The following DAP variants were observed in gnomAD, a reference collection of about 807,000 sequenced individuals.
DAP encodes the protein death-associated protein 1.
Under a neutral mutation model 13.8 loss-of-function variants are expected in DAP, and 8 were observed. The ratio of observed to expected loss-of-function variants is 0.58; its 90% CI spans 0.34 to 1.05. DAP has a LOEUF of 1.05. DAP is among the 50% of genes least tolerant of loss of function. DAP has a pLI of 0.03. For synonymous variants in DAP, 47 were observed against 47.5 expected, an observed-to-expected ratio of 0.99 and a Z score of 0.04; for missense variants, 106 against 133.2, an observed-to-expected ratio of 0.80 and a Z score of 1.01.
intron 2 of DAP, among the ~76,000 whole-genome samples, chr5:10,701,672 T>G (rs530174906): frequency 1.7e-4 from 26 of 152,192 alleles, no homozygotes; most frequent in Non-Finnish European, 3.5e-4. Flanking sequence ...AGAGGGAGAA[T>G]GAACTTCATT....
intron 2 of DAP, among the ~76,000 whole-genome samples, chr5:10,690,907 C>T (rs1738292043): frequency 6.6e-6 from 1 of 152,226 alleles, no homozygotes; most frequent in Non-Finnish European, 1.5e-5. Context: ...CAGCAACGCA[C>T]ATGGGTTCCT....
intron 2 of DAP, among the ~76,000 whole-genome samples, chr5:10,685,745 G>A (rs373776791): frequency 1.4e-4 from 21 of 152,182 alleles, no homozygotes; most frequent in African/African-American, 5.1e-4. Context: ...TCTGAAAGGC[G>A]GAAATGCAGG....
At chr5:10,755,739 A>G (rs1052393671) in intron 1 of DAP, among the ~76,000 whole-genome samples, 5 of 152,244 alleles carry the variant, frequency 3.3e-5, no homozygotes, top group African/African-American at 1.2e-4. Flanking sequence ...AAACAAAAAA[A>G]ACTTCTGAAG....
intron 2 of DAP, among the ~76,000 whole-genome samples, chr5:10,694,040 G>A (rs1482265854): frequency 6.6e-6 from 1 of 152,134 alleles, no homozygotes; most frequent in Non-Finnish European, 1.5e-5. Context: ...AGCCCGGGAG[G>A]AAGCGCAAGG....
At chr5:10,729,417 A>G (rs958122024) in intron 2 of DAP, among the ~76,000 whole-genome samples, 6 of 152,252 alleles carry the variant, frequency 3.9e-5, no homozygotes, top group African/African-American at 1.4e-4. Context: ...AAAAGTAAAC[A>G]GCAATTACTT....
chr5:10,713,000 AC>A lies in DAP; in HGVS notation c.153-29430del, dbSNP rs370478117. On this transcript the variant is annotated intron_variant, in intron 2 of 3. Coordinates refer to ENST00000230895, the MANE Select transcript of DAP (RefSeq NM_004394.3). ...GTGCAGGCCTCCATACGACACATGT[AC>A]CCATGAACTAGGCTGAGGGAAAACC... Among the ~76,000 whole-genome samples, 68 of 152,256 alleles carry A rather than the reference AC, an allele frequency of 4.5e-4. No individual in the cohort carries two copies. The East Asian group carries it at 0.012, about 26-fold the overall frequency.
At chr5:10,726,381 C>T (rs1448956902) in intron 2 of DAP, among the ~76,000 whole-genome samples, 1 of 152,216 alleles carries the variant, frequency 6.6e-6, no homozygotes, top group Non-Finnish European at 1.5e-5. Flanking sequence ...CTGCTCACAG[C>T]GTGGTGGGGA....
At chr5:10,749,050 A>G (rs1281004072) in intron 1 of DAP, among the ~76,000 whole-genome samples, 7 of 152,074 alleles carry the variant, frequency 4.6e-5, no homozygotes, top group Non-Finnish European at 1.5e-5. Flanking sequence ...GACATGTGAT[A>G]TAAGTGGAAT....
At chr5:10,689,493 G>A (rs751386135) in intron 2 of DAP, among the ~76,000 whole-genome samples, 6 of 152,220 alleles carry the variant, frequency 3.9e-5, no homozygotes, top group Non-Finnish European at 8.8e-5. Flanking sequence ...CAAATTCACG[G>A]AGATAGCTCC....
Position 10,679,841 on chromosome 5 carries a change from C to T in DAP, c.*1215G>A, listed in dbSNP as rs566827156. The T allele has an allele frequency of 9.2e-5, 14 of 152,520 alleles. No homozygotes were observed. The highest frequency in any genetic ancestry group is 3.1e-4 in the African/African-American group (13 of 41,594). The allele number at this position is 152,520 out of a possible 1,614,324, so 9.4% of individuals were successfully genotyped here. A position where few individuals can be genotyped will look rare whatever the true frequency, so the allele number is the denominator to read the frequency against. ...GCTGGTGGTTGGCAGCTGCTCACGA[C>T]ACAGTTGCTGACCTGCAGCAGATCG... is the stretch of plus-strand genomic sequence containing the variant. On this transcript the variant is annotated 3_prime_UTR_variant, in exon 4 of 4. Transcript: ENST00000230895.
chr5:10,751,598 A>G (rs1740048323), intron 1 of DAP, among the ~76,000 whole-genome samples: 1 of 152,214 alleles, frequency 6.6e-6, no homozygotes, highest in Non-Finnish European at 1.5e-5. Flanking sequence ...TCCCCCCAAA[A>G]TTCATAGGTT....
chr5:10,723,077 T>C (rs142844640), intron 2 of DAP, among the ~76,000 whole-genome samples: 13 of 152,324 alleles, frequency 8.5e-5, no homozygotes, highest in Non-Finnish European at 1.8e-4. Flanking sequence ...CAAAGAAATA[T>C]AGACAGATAT....
At chr5:10,703,454 A>G (rs951252761) in intron 2 of DAP, among the ~76,000 whole-genome samples, 4 of 152,162 alleles carry the variant, frequency 2.6e-5, no homozygotes, top group Non-Finnish European at 5.9e-5. Context: ...GCTGCGCATC[A>G]GGTGCTTTAA....
At chr5:10,688,117 C>T (rs780542028) in intron 2 of DAP, among the ~76,000 whole-genome samples, 13 of 151,906 alleles carry the variant, frequency 8.6e-5, no homozygotes, top group East Asian at 1.9e-4. Context: ...GGTTTTGTCA[C>T]GTTTGCCAGG....
intron 2 of DAP, among the ~76,000 whole-genome samples, chr5:10,735,123 T>C (rs535259990): frequency 1.5e-4 from 23 of 152,248 alleles, no homozygotes; most frequent in African/African-American, 5.3e-4. Context: ...GCTCAGATGA[T>C]GAATTTAGAG....
At position 10,680,974 on chromosome 5, in the gene DAP, G is replaced by A. The variant is rs1277200287; in HGVS notation, c.*82C>T. On this transcript the variant is annotated 3_prime_UTR_variant, in exon 4 of 4. Coordinates refer to ENST00000230895, the MANE Select transcript of DAP (RefSeq NM_004394.3). Reference sequence around the variant, plus strand: ...GATTTCCCAGCAGAGTAGGATTTGGGCGAAACTGCTGGTTCTCTCTGTCAG... The same window carrying A: ...GATTTCCCAGCAGAGTAGGATTTGGACGAAACTGCTGGTTCTCTCTGTCAG... 1 of 1,545,786 alleles carries A rather than the reference G, an allele frequency of 6.5e-7. No homozygotes were observed. The highest frequency in any genetic ancestry group is 1.2e-5 in the South Asian group (1 of 84,080).
intron 1 of DAP, among the ~76,000 whole-genome samples, chr5:10,752,659 T>C (rs1470044483): frequency 6.6e-6 from 1 of 152,020 alleles, no homozygotes; most frequent in Middle Eastern, 3.2e-3. Context: ...TGTGTGTGCA[T>C]GTGCCTGTGC....
intron 2 of DAP, among the ~76,000 whole-genome samples, chr5:10,687,905 C>CTTTTTTTT (rs1199947263): frequency 9.0e-6 from 1 of 110,640 alleles, no homozygotes; most frequent in African/African-American, 3.8e-5. Context: ...TCATTGTTGT[C>CTTTTTTTT]TTTTTTTTTT....
At chr5:10,743,148 T>C (rs1439723213) in intron 2 of DAP, among the ~76,000 whole-genome samples, 1 of 152,264 alleles carries the variant, frequency 6.6e-6, no homozygotes, top group African/African-American at 2.4e-5. Flanking sequence ...TTAAGAAGCC[T>C]GTTTACTAAC....
Sources: gnomAD v4.1 joint callset for allele counts (sites outside exome capture counted in the v4.1 genomes callset) on GRCh38, gnomAD v4.1.1 for gene constraint, MANE v1.5 for transcripts, NCBI Gene and HGNC (gene_info 2026-07-23, HGNC 2026-07-21) for gene names.